The following FHIT variants were observed in gnomAD, a reference collection of about 807,000 sequenced individuals.
FHIT encodes fragile histidine triad diadenosine triphosphatase, also known as bis(5'-adenosyl)-triphosphatase.
FHIT carries 19 observed loss-of-function variants against 17.9 expected under a neutral mutation model. The observed-to-expected ratio is 1.06, with a 90% CI of 0.74 to 1.56. The LOEUF (loss-of-function observed/expected upper bound fraction) is 1.56, where lower values mean the gene tolerates loss of function less well. Among genes scored for constraint, FHIT ranks in the 40% most tolerant of loss-of-function variants. FHIT has a pLI of 0.00. For missense variants in FHIT, 248 were observed against 189.2 expected, an observed-to-expected ratio of 1.31 and a Z score of -1.82; for synonymous variants, 81 against 69.7, an observed-to-expected ratio of 1.16 and a Z score of -0.81.
At chr3:60,051,464 C>T (rs181315749) in intron 5 of FHIT, among the ~76,000 whole-genome samples, 23 of 151,916 alleles carry the variant, frequency 1.5e-4, no homozygotes, top group East Asian at 1.9e-4. Flanking sequence ...AGGCAGGGCT[C>T]GGACACCAGA....
chr3:61,231,505 A>T (rs1052361323), intron 1 of FHIT, among the ~76,000 whole-genome samples: 2 of 152,120 alleles, frequency 1.3e-5, no homozygotes, highest in African/African-American at 4.8e-5. Flanking sequence ...AAAAAAAAAA[A>T]AAATGCTCAC....
chr3:61,204,854 AG>A (rs1323802513), intron 1 of FHIT, among the ~76,000 whole-genome samples: 2 of 152,182 alleles, frequency 1.3e-5, no homozygotes, highest in Non-Finnish European at 2.9e-5. Context: ...TTTAAGTTTT[AG>A]GGTACATGTG....
chr3:60,398,681 A>T (rs1444679488), intron 5 of FHIT, among the ~76,000 whole-genome samples: 1 of 152,198 alleles, frequency 6.6e-6, no homozygotes, highest in East Asian at 1.9e-4. Context: ...AGTAAATTAC[A>T]CACTTAATAT....
chr3:60,077,974 AAAAT>A (rs895297585), intron 5 of FHIT, among the ~76,000 whole-genome samples: 27 of 152,058 alleles, frequency 1.8e-4, no homozygotes, highest in African/African-American at 6.5e-4. Context: ...TCAAATACAC[AAAAT>A]AAAATTTATT....
At chr3:59,760,235 A>G (rs1478009677) in intron 8 of FHIT, among the ~76,000 whole-genome samples, 5 of 152,196 alleles carry the variant, frequency 3.3e-5, no homozygotes, top group Non-Finnish European at 7.3e-5. Flanking sequence ...TCCCATTTTC[A>G]AGGGGTATAG....
At chr3:60,478,494 G>A (rs763219947) in intron 5 of FHIT, among the ~76,000 whole-genome samples, 5 of 152,072 alleles carry the variant, frequency 3.3e-5, no homozygotes, top group South Asian at 2.1e-4. Flanking sequence ...GCCTCTTGCG[G>A]CAAAGAAAGT....
chr3:60,098,260 T>C (rs1377266424), intron 5 of FHIT, among the ~76,000 whole-genome samples: 4 of 143,456 alleles, frequency 2.8e-5, no homozygotes, highest in Non-Finnish European at 6.1e-5. Flanking sequence ...CAAATGGTAT[T>C]TCTAGTTCTA....
chr3:60,964,245 G>C (rs1709602159), intron 3 of FHIT, among the ~76,000 whole-genome samples: 1 of 151,464 alleles, frequency 6.6e-6, no homozygotes, highest in African/African-American at 2.4e-5. Context: ...TAGAGACTAG[G>C]ATTGCAACCC....
intron 5 of FHIT, among the ~76,000 whole-genome samples, chr3:60,194,260 T>C (rs933076109): frequency 5.3e-5 from 8 of 152,096 alleles, no homozygotes; most frequent in African/African-American, 9.7e-5. Context: ...TGGAACAGAA[T>C]AGGGAACCTA....
At chr3:59,834,988 T>C (rs1273929773) in intron 8 of FHIT, among the ~76,000 whole-genome samples, 1 of 152,230 alleles carries the variant, frequency 6.6e-6, no homozygotes, top group Non-Finnish European at 1.5e-5. Flanking sequence ...TTGTTGTTTT[T>C]TAAACTGAAC....
intron 8 of FHIT, among the ~76,000 whole-genome samples, chr3:59,781,526 A>T (rs764790535): frequency 1.3e-5 from 2 of 152,258 alleles, no homozygotes; most frequent in East Asian, 1.9e-4. Context: ...CGAATTTTGG[A>T]TGGTCCCTAA....
chr3:59,886,609 CTT>C (rs1703635187), intron 8 of FHIT, among the ~76,000 whole-genome samples: 1 of 152,120 alleles, frequency 6.6e-6, no homozygotes, highest in African/African-American at 2.4e-5. Context: ...GCACCACACT[CTT>C]TTTAACAACC....
chr3:59,890,162 T>C (rs1042446684), intron 8 of FHIT, among the ~76,000 whole-genome samples: 1 of 152,182 alleles, frequency 6.6e-6, no homozygotes, highest in Non-Finnish European at 1.5e-5. Context: ...TATTTCCAAG[T>C]ACGAAATTAA....
At chr3:60,082,731 G>A (rs1159075873) in intron 5 of FHIT, among the ~76,000 whole-genome samples, 2 of 152,052 alleles carry the variant, frequency 1.3e-5, no homozygotes, top group Non-Finnish European at 2.9e-5. Flanking sequence ...GATTAGTGAG[G>A]TTGAGCATTT....
At chr3:61,173,619 A>C (rs1433216010) in intron 2 of FHIT, among the ~76,000 whole-genome samples, 3 of 152,202 alleles carry the variant, frequency 2.0e-5, no homozygotes, top group Admixed American at 2.0e-4. Flanking sequence ...CAGCGGAAGA[A>C]AGTTTCATAG....
chr3:61,120,704 C>T (rs113762849), intron 2 of FHIT, among the ~76,000 whole-genome samples: 18,707 of 152,012 alleles, frequency 0.12, 1,164 homozygotes, highest in South Asian at 0.2. Context: ...AGGATCACAA[C>T]TCCTCCCCAG....
At chr3:60,098,112 T>C (rs188695853) in intron 5 of FHIT, among the ~76,000 whole-genome samples, 4,758 of 145,140 alleles carry the variant, frequency 0.033, 113 homozygotes, top group Non-Finnish European at 0.044. Context: ...ATCCAGTCTA[T>C]CCTTGTTGGA....
At position 60,308,504 on chromosome 3, in the gene FHIT, A is replaced by G. The variant is rs57669316; in HGVS notation, c.103+228356T>C. Among the ~76,000 whole-genome samples, 82 of 18,356 alleles carry G rather than the reference A, an allele frequency of 4.5e-3. 1 individual carries two copies. Among genetic ancestry groups the G allele is most frequent in the East Asian group, 0.019 (1 of 52 alleles). 12.0% of individuals were successfully genotyped at this position (18,356 alleles called of 152,430 possible). A position where few individuals can be genotyped will look rare whatever the true frequency, so the allele number is the denominator to read the frequency against. ...TAGGTATAGGTGTATGTGTATATAT[A>G]TATATATATATATATATATATATAT... On this transcript the variant is annotated intron_variant, in intron 5 of 9. Transcript: ENST00000492590.
intron 4 of FHIT, among the ~76,000 whole-genome samples, chr3:60,556,967 T>C (rs1559537236): frequency 6.6e-6 from 1 of 152,208 alleles, no homozygotes; most frequent in Non-Finnish European, 1.5e-5. Flanking sequence ...ACCAAGGACA[T>C]CTCCTGATGA....
Sources: gnomAD v4.1 joint callset for allele counts (sites outside exome capture counted in the v4.1 genomes callset) on GRCh38, gnomAD v4.1.1 for gene constraint, MANE v1.5 for transcripts, NCBI Gene and HGNC (gene_info 2026-07-23, HGNC 2026-07-21) for gene names.